PTPRG: variants seen among roughly 807,000 people sequenced by gnomAD.
PTPRG encodes protein tyrosine phosphatase receptor type G, also known as receptor-type tyrosine-protein phosphatase gamma.
A neutral mutation model predicts 165.3 loss-of-function variants in PTPRG; 102 were observed. The ratio of observed to expected loss-of-function variants is 0.62; its 90% CI spans 0.53 to 0.73. The LOEUF (loss-of-function observed/expected upper bound fraction) is 0.73. Ranked by LOEUF, PTPRG falls within the 30% of genes least tolerant of loss-of-function variation. The probability of loss-of-function intolerance (pLI) is 0.00; values close to 1 mark genes in which losing one functional copy is unlikely to be tolerated. For synonymous variants in PTPRG, 675 were observed against 669.5 expected (o/e 1.01, Z -0.13); for missense variants, 1,866 against 1,861.4 (o/e 1.00, Z -0.05).
At position 62,293,203 on chromosome 3, in the gene PTPRG, A is replaced by G. The variant is rs1702961529; in HGVS notation, c.4234A>G (p.Ser1412Gly). Reference sequence around the variant, plus strand: ...CTATAAAGCAATGCTTAGCTTGGTCAGCACTAAAGAAAATGGAAATGGTCC... The same window carrying G: ...CTATAAAGCAATGCTTAGCTTGGTCGGCACTAAAGAAAATGGAAATGGTCC... Reference protein sequence around the residue: ...FIYKAMLSLVSTKENGNGPMT... With the variant: ...FIYKAMLSLVGTKENGNGPMT... The change falls in exon 30 of 30, where the codon AGC becomes GGC. Residue 1412 changes from serine to glycine, a missense_variant. Physicochemically the swap from Ser to Gly is moderately conservative, Grantham distance 56. Around this residue, in one of 3 missense-constraint regions of PTPRG, gnomAD observed 1,452 missense variants for 1,463.0 expected, o/e 0.99. Coordinates refer to ENST00000474889, the MANE Select transcript of PTPRG (RefSeq NM_002841.4). 2 of 1,609,588 alleles carry G rather than the reference A, an allele frequency of 1.2e-6. No homozygotes were observed. Among genetic ancestry groups the G allele is most frequent in the East Asian group, 4.5e-5 (2 of 44,762 alleles).
chr3:62,056,362 G>A (rs540441596), intron 4 of PTPRG, among the ~76,000 whole-genome samples: 9 of 152,252 alleles, frequency 5.9e-5, no homozygotes, highest in African/African-American at 2.2e-4. Flanking sequence ...TGTAGCCCAT[G>A]AGGGCTTTGA....
intron 4 of PTPRG, among the ~76,000 whole-genome samples, chr3:62,054,834 G>A (rs9855802): frequency 0.16 from 24,001 of 152,162 alleles, 2,584 homozygotes; most frequent in African/African-American, 0.29. Flanking sequence ...CAGTGCTTAC[G>A]TGAGAGGCAT....
intron 2 of PTPRG, among the ~76,000 whole-genome samples, chr3:61,801,940 AC>A (rs2035258405): frequency 6.6e-6 from 1 of 150,848 alleles, no homozygotes; most frequent in South Asian, 2.1e-4. Context: ...CAGGAGAATC[AC>A]TTGAACCCGG....
chr3:61,567,374 T>A (rs1699937142), intron 1 of PTPRG, among the ~76,000 whole-genome samples: 1 of 152,144 alleles, frequency 6.6e-6, no homozygotes, highest in Admixed American at 6.5e-5. Flanking sequence ...TGAGGTTGCC[T>A]GTGCAAATGA....
Position 61,923,563 on chromosome 3 carries a change from C to G in PTPRG, c.191-66062C>G, listed in dbSNP as rs182901225. ...CTAATGCCAACCCTTCCCCTCCCCC[C>G]ACCCCACAACAGCCCCCGGTGTGTG... is the stretch of plus-strand genomic sequence containing the variant. On this transcript the variant is annotated intron_variant, in intron 2 of 29. Transcript: ENST00000474889. 1.9e-3 allele frequency among the ~76,000 whole-genome samples: 257 copies of G among 136,358 alleles called. 3 individuals are homozygous for G. The highest frequency in any genetic ancestry group is 6.5e-3 in the African/African-American group (242 of 37,454). The allele number at this position is 136,358 out of a possible 152,430, so 89.5% of individuals were successfully genotyped here. A position where few individuals can be genotyped will look rare whatever the true frequency, so the allele number is the denominator to read the frequency against.
chr3:62,201,374 G>T, intron 10 of PTPRG, 131 bp from the exon 11 acceptor site: 1 of 721,136 alleles, frequency 1.4e-6, no homozygotes, highest in Non-Finnish European at 2.1e-6. Context: ...TTAAATGGTT[G>T]GAAAAAATCT....
Position 61,995,506 on chromosome 3 carries a change from T to C in PTPRG, c.370+5702T>C, listed in dbSNP as rs2041010320. Among the ~76,000 whole-genome samples, 5 of 152,202 alleles carry C rather than the reference T, an allele frequency of 3.3e-5. 1 individual carries two copies. The South Asian group carries it at 1.0e-3, about 32-fold the overall frequency. ...TCCAACAGTGGCATGGTTGCTCAAG[T>C]GTAACACGGATGCCTTTAGTAATCA... On this transcript the variant is annotated intron_variant, in intron 3 of 29. Transcript: ENST00000474889.
At chr3:61,806,228 A>G (rs1173193139) in intron 2 of PTPRG, among the ~76,000 whole-genome samples, 3 of 152,284 alleles carry the variant, frequency 2.0e-5, no homozygotes, top group South Asian at 4.2e-4. Context: ...GGAGAATCCA[A>G]TTATAGCAAG....
chr3:62,008,864 C>T (rs574769747), intron 4 of PTPRG, among the ~76,000 whole-genome samples: 2 of 152,182 alleles, frequency 1.3e-5, no homozygotes, highest in African/African-American at 4.8e-5. Context: ...TGGTAATGCT[C>T]CTTGCCCACC....
rs1166824597 is a variant in PTPRG at position 62,210,577 on chromosome 3, C to T, written c.2155+6627C>T. On this transcript the variant is annotated intron_variant, in intron 12 of 29. Transcript: ENST00000474889. This position sits in a 1 kb window ranked among gnomAD's most constrained non-coding sequence, Gnocchi z 4.1. ...TAGCAGTTCTACTTCTGGGTATACA[C>T]TTGACCCTTGAAAAACAGTCTTGAA... 6.6e-6 allele frequency among the ~76,000 whole-genome samples: 1 copy of T among 152,146 alleles called. No homozygotes were observed. Among genetic ancestry groups the T allele is most frequent in the Non-Finnish European group, 1.5e-5 (1 of 68,026 alleles).
intron 5 of PTPRG, among the ~76,000 whole-genome samples, chr3:62,082,465 T>C (rs1265743601): frequency 6.6e-6 from 1 of 152,232 alleles, no homozygotes; most frequent in Non-Finnish European, 1.5e-5. Context: ...ACACAGTGTT[T>C]ATGATTCTTT....
At chr3:61,772,553 A>G (rs1394309152) in intron 2 of PTPRG, among the ~76,000 whole-genome samples, 1 of 152,166 alleles carries the variant, frequency 6.6e-6, no homozygotes, top group Non-Finnish European at 1.5e-5. Flanking sequence ...GATCATGATT[A>G]TAATCTTTGT....
chr3:62,033,539 C>G (rs546255230), intron 4 of PTPRG, among the ~76,000 whole-genome samples: 2 of 142,882 alleles, frequency 1.4e-5, no homozygotes, highest in Non-Finnish European at 3.1e-5. Context: ...TTCCCCCCCC[C>G]ACCCCCCACC....
intron 1 of PTPRG, among the ~76,000 whole-genome samples, chr3:61,587,449 A>T (rs1283429345): frequency 6.6e-6 from 1 of 151,804 alleles, no homozygotes; most frequent in Admixed American, 6.6e-5. Context: ...TGCAGCCGTG[A>T]TGTTTCTTTA....
chr3:61,863,218 T>TC (rs2037320497), intron 2 of PTPRG, among the ~76,000 whole-genome samples: 4 of 152,312 alleles, frequency 2.6e-5, no homozygotes, highest in Admixed American at 2.6e-4. Flanking sequence ...CAGTGGATTG[T>TC]CTTGGACTGA....
intron 2 of PTPRG, among the ~76,000 whole-genome samples, chr3:61,777,444 C>T (rs1261519402): frequency 1.3e-5 from 2 of 152,154 alleles, no homozygotes; most frequent in African/African-American, 2.4e-5. Flanking sequence ...TTATTAAGCA[C>T]CTATTAGGTG....
At chr3:62,096,603 A>T (rs1304980089) in intron 5 of PTPRG, among the ~76,000 whole-genome samples, 1 of 152,150 alleles carries the variant, frequency 6.6e-6, no homozygotes. Flanking sequence ...TTCCATTGTA[A>T]ATGTTAATTT....
chr3:61,993,781 TA>T (rs1396366754), intron 3 of PTPRG, among the ~76,000 whole-genome samples: 2 of 152,244 alleles, frequency 1.3e-5, no homozygotes. Flanking sequence ...AGGGAGTATT[TA>T]TTTTTTTCTG....
intron 1 of PTPRG, among the ~76,000 whole-genome samples, chr3:61,719,325 G>A (rs2031949452): frequency 1.3e-5 from 2 of 152,232 alleles, no homozygotes; most frequent in South Asian, 2.1e-4. Flanking sequence ...GTGTTCTCAA[G>A]TATTTATCAA....
Sources: gnomAD v4.1 joint callset for allele counts (sites outside exome capture counted in the v4.1 genomes callset) on GRCh38, gnomAD v4.1.1 for gene constraint, gnomAD v4.1.1 regional missense constraint, Gnocchi (gnomAD v3.1) non-coding constraint, MANE v1.5 for transcripts, NCBI Gene and HGNC (gene_info 2026-07-23, HGNC 2026-07-21) for gene names.